Variants in FOXP2 observed in about 807,000 individuals in gnomAD.
FOXP2 encodes the protein forkhead box P2.
FOXP2 carries 12 observed loss-of-function variants against 115.8 expected under a neutral mutation model. The ratio of observed to expected loss-of-function variants is 0.10; its 90% confidence interval spans 0.07 to 0.17. The LOEUF (loss-of-function observed/expected upper bound fraction) is 0.17. FOXP2 is among the 10% of genes least tolerant of loss of function. FOXP2 has a pLI of 1.00. For synonymous variants in FOXP2, 328 were observed against 297.7 expected, an observed-to-expected ratio of 1.10 and a Z score of -1.05; for missense variants, 629 against 843.5, an observed-to-expected ratio of 0.75 and a Z score of 3.15.
rs148841706 is a variant in FOXP2 at position 114,240,228 on chromosome 7, G to T, written c.-101-47791G>T. ...ATGTTTCACCTTTTTGTTGGTTGGGGGGAGGAAAACCTGTACTTTTTCATG... is the reference window on the plus strand; with the variant it reads ...ATGTTTCACCTTTTTGTTGGTTGGGTGGAGGAAAACCTGTACTTTTTCATG... On this transcript the variant is annotated intron_variant, in intron 1 of 17. Transcript: ENST00000634411. Among the ~76,000 whole-genome samples the T allele has an allele frequency of 2.8e-3, 431 of 152,190 alleles. 3 individuals are homozygous for T. Among genetic ancestry groups the T allele is most frequent in the African/African-American group, 9.9e-3 (410 of 41,534 alleles).
intron 2 of FOXP2, among the ~76,000 whole-genome samples, chr7:114,382,503 C>T (rs751185777): frequency 6.6e-6 from 1 of 152,166 alleles, no homozygotes; most frequent in African/African-American, 2.4e-5. Flanking sequence ...ACACTGGAAG[C>T]AAGCCCTATT....
At position 114,539,304 on chromosome 7, in the gene FOXP2, G is replaced by A. The variant is rs767984609; in HGVS notation, c.258+4598G>A. ...AATGATAACATTTTATTTATGTAGC[G>A]ATAAAGAATGAAACTGAATATTTCT... is the stretch of plus-strand genomic sequence containing the variant. On this transcript the variant is annotated intron_variant, in intron 3 of 16. Coordinates refer to ENST00000350908, the MANE Select transcript of FOXP2 (RefSeq NM_014491.4). Among the ~76,000 whole-genome samples, 18 of 151,882 alleles carry A rather than the reference G, an allele frequency of 1.2e-4. No individual in the cohort carries two copies. The South Asian group carries it at 1.2e-3, about 10-fold the overall frequency.
In FOXP2 at chr7:114,265,711, T is replaced by G. The variant is rs1795878430; in HGVS notation, c.-101-22308T>G. Among the ~76,000 whole-genome samples, 5 of 152,160 alleles carry G rather than the reference T, an allele frequency of 3.3e-5. No homozygotes were observed. The South Asian group carries it at 1.0e-3, about 32-fold the overall frequency. ...TGCCTCTGCAGTGGGCTTCTGTGTG[T>G]GCACCCAGGCTTTCTCAGACATCCT... On this transcript the variant is annotated intron_variant, in intron 1 of 17. Transcript: ENST00000634411.
At chr7:114,110,972 A>T (rs1024590045) in intron 1 of FOXP2, among the ~76,000 whole-genome samples, 2 of 152,138 alleles carry the variant, frequency 1.3e-5, no homozygotes, top group Non-Finnish European at 2.9e-5. Flanking sequence ...ACCCATAAAG[A>T]ATACTTTAGC....
intron 3 of FOXP2, among the ~76,000 whole-genome samples, chr7:114,611,376 A>T (rs1803619657): frequency 6.6e-6 from 1 of 152,040 alleles, no homozygotes; most frequent in Admixed American, 6.6e-5. Flanking sequence ...CCTCAGAAGC[A>T]TCTCAACAGT....
At chr7:114,469,605 T>C (rs1212745490) in intron 2 of FOXP2, among the ~76,000 whole-genome samples, 8 of 152,206 alleles carry the variant, frequency 5.3e-5, no homozygotes, top group Non-Finnish European at 1.5e-5. Context: ...ATTTTATAAG[T>C]TGATGTGTTG....
intron 2 of FOXP2, among the ~76,000 whole-genome samples, chr7:114,399,521 C>G (rs1048755144): frequency 2.0e-5 from 3 of 152,052 alleles, no homozygotes; most frequent in Non-Finnish European, 2.9e-5. Context: ...AAACTTTTCC[C>G]ATTTTTTTAC....
At chr7:114,194,618 C>T (rs1321279847) in intron 1 of FOXP2, among the ~76,000 whole-genome samples, 1 of 152,066 alleles carries the variant, frequency 6.6e-6, no homozygotes, top group East Asian at 1.9e-4. Flanking sequence ...CTTTATATGA[C>T]ACGTTTTCTC....
chr7:114,641,693 G>A (rs1017054657), intron 6 of FOXP2, among the ~76,000 whole-genome samples: 5 of 151,514 alleles, frequency 3.3e-5, no homozygotes, highest in African/African-American at 1.2e-4. Context: ...TTCTCTTTCA[G>A]TTCCTCACTG....
intron 3 of FOXP2, among the ~76,000 whole-genome samples, chr7:114,556,463 G>T (rs1000689920): frequency 6.6e-6 from 1 of 152,126 alleles, no homozygotes; most frequent in African/African-American, 2.4e-5. Flanking sequence ...ATCATAATCT[G>T]AATTGCTCCC....
chr7:114,176,025 A>G (rs917791582), intron 1 of FOXP2, among the ~76,000 whole-genome samples: 5 of 152,080 alleles, frequency 3.3e-5, no homozygotes, highest in Admixed American at 2.6e-4. Context: ...ACTATATTGA[A>G]TTAGTGTTTA....
intron 11 of FOXP2, among the ~76,000 whole-genome samples, chr7:114,659,039 C>T (rs960835610): frequency 6.6e-6 from 1 of 152,090 alleles, no homozygotes; most frequent in African/African-American, 2.4e-5. Flanking sequence ...AAGATTATAG[C>T]AGGGGGGCAA....
rs112851391 is a variant in FOXP2 at position 114,251,497 on chromosome 7, C to T, written c.-101-36522C>T. ...TTGAGCAGTGGTTTGTAGTTCTCCT[C>T]GAAGAAATACTTCACATCCCTTGTA... On this transcript the variant is annotated intron_variant, in intron 1 of 17. Coordinates refer to the FOXP2 transcript ENST00000634411. Among the ~76,000 whole-genome samples the T allele has an allele frequency of 1.1e-3, 172 of 152,116 alleles. 1 individual carries two copies. The highest frequency in any genetic ancestry group is 3.8e-3 in the African/African-American group (157 of 41,502).
At chr7:114,181,423 C>T (rs1793454840) in intron 1 of FOXP2, among the ~76,000 whole-genome samples, 1 of 151,860 alleles carries the variant, frequency 6.6e-6, no homozygotes. Flanking sequence ...TGTCTCTTTG[C>T]ATACTGTGTT....
At chr7:114,685,818 C>T (rs151317470) in intron 16 of FOXP2, among the ~76,000 whole-genome samples, 1 of 152,240 alleles carries the variant, frequency 6.6e-6, no homozygotes, top group East Asian at 1.9e-4. Context: ...GTTCTGGAAT[C>T]TCATTTACAA....
chr7:114,485,289 C>G (rs976422298), intron 2 of FOXP2, among the ~76,000 whole-genome samples: 10 of 151,868 alleles, frequency 6.6e-5, no homozygotes, highest in African/African-American at 2.4e-4. Flanking sequence ...AATTCTCAAC[C>G]TGAATAATTG....
At chr7:114,288,325 A>G (rs981226996) in intron 2 of FOXP2, among the ~76,000 whole-genome samples, 1 of 151,886 alleles carries the variant, frequency 6.6e-6, no homozygotes, top group African/African-American at 2.4e-5. Flanking sequence ...CTCTCTTTCT[A>G]TTAAACTTGG....
chr7:114,149,178 C>A (rs1313155947), intron 1 of FOXP2, among the ~76,000 whole-genome samples: 1 of 152,050 alleles, frequency 6.6e-6, no homozygotes, highest in Non-Finnish European at 1.5e-5. Context: ...GAACATCAGA[C>A]ATTTTTCTTA....
intron 2 of FOXP2, among the ~76,000 whole-genome samples, chr7:114,298,044 G>A (rs1031533009): frequency 2.0e-5 from 3 of 152,038 alleles, no homozygotes; most frequent in Admixed American, 6.6e-5. Flanking sequence ...GACTCCAACC[G>A]TTTATTTCTT....
Sources: allele counts gnomAD v4.1 joint callset (sites outside exome capture counted in the v4.1 genomes callset), GRCh38; gene constraint gnomAD v4.1.1; transcripts MANE v1.5; gene names NCBI Gene and HGNC (gene_info 2026-07-23, HGNC 2026-07-21).